Variants in GALNTL6 observed in about 807,000 individuals in gnomAD.
GALNTL6 encodes the protein polypeptide N-acetylgalactosaminyltransferase-like 6.
GALNTL6 carries 46 observed loss-of-function variants against 73.7 expected under a neutral mutation model. That is an observed-to-expected ratio of 0.62 (90% CI 0.49 to 0.80). The LOEUF is 0.80. GALNTL6 is among the 30% of genes least tolerant of loss of function. The pLI is 0.00. For missense variants in GALNTL6, 604 were observed against 755.0 expected (o/e 0.80, Z 2.34); for synonymous variants, 259 against 263.7 (o/e 0.98, Z 0.17).
At chr4:172,004,542 A>G (rs1740771950) in intron 2 of GALNTL6, among the ~76,000 whole-genome samples, 1 of 152,106 alleles carries the variant, frequency 6.6e-6, no homozygotes, top group Non-Finnish European at 1.5e-5. Context: ...AATTATTTAT[A>G]TTATTGGAGA....
intron 2 of GALNTL6, among the ~76,000 whole-genome samples, chr4:172,129,049 G>A (rs1209891172): frequency 6.6e-6 from 1 of 152,110 alleles, no homozygotes; most frequent in Non-Finnish European, 1.5e-5. Flanking sequence ...CTTAATTTAA[G>A]TTCACATTTC....
At chr4:171,893,731 T>A (rs960142152) in intron 2 of GALNTL6, among the ~76,000 whole-genome samples, 3 of 152,086 alleles carry the variant, frequency 2.0e-5, no homozygotes, top group African/African-American at 7.2e-5. Context: ...CTTAGAAAAA[T>A]CACTTTTCCT....
At chr4:172,907,363 C>T (rs1036778742) in intron 8 of GALNTL6, among the ~76,000 whole-genome samples, 3 of 151,986 alleles carry the variant, frequency 2.0e-5, no homozygotes, top group African/African-American at 7.3e-5. Context: ...AAATGGTAAT[C>T]ATAAATATAA....
At chr4:171,968,451 G>A (rs1739454389) in intron 2 of GALNTL6, among the ~76,000 whole-genome samples, 1 of 152,142 alleles carries the variant, frequency 6.6e-6, no homozygotes, top group Non-Finnish European at 1.5e-5. Context: ...ATCTTCAAGT[G>A]CTTCTTCTCT....
intron 5 of GALNTL6, among the ~76,000 whole-genome samples, chr4:172,462,733 G>T (rs1383704662): frequency 6.6e-6 from 1 of 152,172 alleles, no homozygotes; most frequent in South Asian, 2.1e-4. Context: ...GAAAACAGAT[G>T]TGTCAAGAAA....
intron 5 of GALNTL6, among the ~76,000 whole-genome samples, chr4:172,593,243 T>G (rs1355068436): frequency 6.6e-6 from 1 of 152,218 alleles, no homozygotes; most frequent in Non-Finnish European, 1.5e-5. Flanking sequence ...CTTTTATTTC[T>G]CCATAATCTT....
intron 10 of GALNTL6, among the ~76,000 whole-genome samples, chr4:173,001,280 G>A (rs1752034128): frequency 6.6e-6 from 1 of 152,194 alleles, no homozygotes; most frequent in African/African-American, 2.4e-5. Flanking sequence ...CACTTGGTTT[G>A]TGGTGCTTTC....
chr4:172,247,710 A>G (rs1461558172), intron 3 of GALNTL6, among the ~76,000 whole-genome samples: 1 of 152,172 alleles, frequency 6.6e-6, no homozygotes, highest in African/African-American at 2.4e-5. Context: ...GTAGGGATAA[A>G]CAGACTCAAG....
intron 2 of GALNTL6, among the ~76,000 whole-genome samples, chr4:172,098,237 A>G (rs1264925355): frequency 6.6e-6 from 1 of 152,108 alleles, no homozygotes; most frequent in Non-Finnish European, 1.5e-5. Flanking sequence ...ATATGTATCT[A>G]TCATCTATCT....
chr4:172,572,596 C>G (rs535960822), intron 5 of GALNTL6, among the ~76,000 whole-genome samples: 16 of 152,150 alleles, frequency 1.1e-4, no homozygotes, highest in Non-Finnish European at 2.2e-4. Flanking sequence ...CTCTAAAAGT[C>G]TTCTCAGTCT....
intron 4 of GALNTL6, among the ~76,000 whole-genome samples, chr4:172,323,795 AT>A (rs2111168533): frequency 6.6e-6 from 1 of 152,188 alleles, no homozygotes; most frequent in African/African-American, 2.4e-5. Context: ...AAATTAACCA[AT>A]TAATAAATTA....
intron 2 of GALNTL6, among the ~76,000 whole-genome samples, chr4:172,227,125 A>T (rs1230041786): frequency 1.3e-5 from 2 of 152,122 alleles, no homozygotes; most frequent in Non-Finnish European, 2.9e-5. Flanking sequence ...TTCTCTGTGT[A>T]GAGAAGGGCT....
At chr4:172,033,142 G>A (rs1741820007) in intron 2 of GALNTL6, among the ~76,000 whole-genome samples, 1 of 151,656 alleles carries the variant, frequency 6.6e-6, no homozygotes. Flanking sequence ...AACTAAAGCT[G>A]TTCCAAACAA....
chr4:172,981,414 A>C (rs992252517), intron 10 of GALNTL6, among the ~76,000 whole-genome samples: 4 of 152,224 alleles, frequency 2.6e-5, no homozygotes, highest in African/African-American at 9.6e-5. Flanking sequence ...AATGAATGTG[A>C]AGTGATATGT....
intron 5 of GALNTL6, among the ~76,000 whole-genome samples, chr4:172,765,084 G>A (rs1194418200): frequency 6.6e-6 from 1 of 152,154 alleles, no homozygotes; most frequent in African/African-American, 2.4e-5. Flanking sequence ...ACTGATTTGT[G>A]GAAACAGCAA....
intron 5 of GALNTL6, among the ~76,000 whole-genome samples, chr4:172,742,668 A>G (rs1393359585): frequency 6.6e-6 from 1 of 152,126 alleles, no homozygotes; most frequent in Non-Finnish European, 1.5e-5. Flanking sequence ...GAGACTACCT[A>G]TAAAATAGCA....
At chr4:172,170,790 A>G (rs1216464234) in intron 2 of GALNTL6, among the ~76,000 whole-genome samples, 1 of 152,152 alleles carries the variant, frequency 6.6e-6, no homozygotes, top group Non-Finnish European at 1.5e-5. Context: ...CTGGGATTAC[A>G]GGCATGAGAC....
chr4:172,140,450 ACTT>A (rs1186049272), intron 2 of GALNTL6, among the ~76,000 whole-genome samples: 1 of 152,060 alleles, frequency 6.6e-6, no homozygotes, highest in East Asian at 1.9e-4. Flanking sequence ...TATAGCATTT[ACTT>A]TGTGCCAGTC....
chr4:172,870,028 A>G (rs939052990), intron 7 of GALNTL6, among the ~76,000 whole-genome samples: 4 of 151,696 alleles, frequency 2.6e-5, no homozygotes, highest in African/African-American at 4.9e-5. Flanking sequence ...GCTCTGAAAT[A>G]CATGGGTCCA....
Sources: allele counts gnomAD v4.1 joint callset (sites outside exome capture counted in the v4.1 genomes callset), GRCh38; gene constraint gnomAD v4.1.1; transcripts MANE v1.5; gene names NCBI Gene and HGNC (gene_info 2026-07-23, HGNC 2026-07-21).